The following GALNT13 variants were observed in gnomAD, a reference collection of about 807,000 sequenced individuals.
GALNT13 encodes polypeptide N-acetylgalactosaminyltransferase 13.
A neutral mutation model predicts 64.2 loss-of-function variants in GALNT13; 28 were observed. The observed-to-expected ratio is 0.44, with a 90% CI of 0.32 to 0.60. The LOEUF (loss-of-function observed/expected upper bound fraction) is 0.60, where lower values mean the gene tolerates loss of function less well. GALNT13 is among the 20% of genes least tolerant of loss of function. GALNT13 has a pLI of 0.05. For synonymous variants in GALNT13, 214 were observed against 224.6 expected, an observed-to-expected ratio of 0.95 and a Z score of 0.42; for missense variants, 577 against 669.8, an observed-to-expected ratio of 0.86 and a Z score of 1.53.
the GALNT13 span, among the ~76,000 whole-genome samples, chr2:153,508,886 C>A: frequency 6.6e-6 from 1 of 152,162 alleles, no homozygotes; most frequent in African/African-American, 2.4e-5. Context: ...CTCCTAAGAA[C>A]TTTAACCCTT....
At chr2:153,737,181 CAGAAAGGG>C in the GALNT13 span, among the ~76,000 whole-genome samples, 1 of 152,080 alleles carries the variant, frequency 6.6e-6, no homozygotes, top group Non-Finnish European at 1.5e-5. Context: ...CACAGACAGG[CAGAAAGGG>C]AGAAAGGGTA....
the GALNT13 span, among the ~76,000 whole-genome samples, chr2:153,547,007 A>G: frequency 6.6e-6 from 1 of 152,184 alleles, no homozygotes; most frequent in East Asian, 1.9e-4. Flanking sequence ...TTGGCATGTA[A>G]TTTGGTTGCC....
chr2:154,311,737 G>C (rs1278138993), intron 9 of GALNT13, among the ~76,000 whole-genome samples: 1 of 143,658 alleles, frequency 7.0e-6, no homozygotes, highest in Non-Finnish European at 1.5e-5. Context: ...CTGCAATCTC[G>C]ACCATAAGAG....
chr2:153,936,465 T>C (rs1383763111), intron 2 of GALNT13, among the ~76,000 whole-genome samples: 2 of 152,108 alleles, frequency 1.3e-5, no homozygotes, highest in East Asian at 3.9e-4. Flanking sequence ...TGACCCAGTT[T>C]AGTTTCATGG....
the GALNT13 span, among the ~76,000 whole-genome samples, chr2:153,707,213 C>T: frequency 1.1e-4 from 16 of 152,108 alleles, no homozygotes; most frequent in Admixed American, 2.0e-4. Flanking sequence ...TTTTTATCAG[C>T]AGCATGAAAA....
the GALNT13 span, among the ~76,000 whole-genome samples, chr2:153,405,303 A>G: frequency 6.6e-6 from 1 of 152,218 alleles, no homozygotes; most frequent in Admixed American, 6.5e-5. Flanking sequence ...TCCCTATTCC[A>G]TGTAAAACTG....
At chr2:153,181,958 T>G in the GALNT13 span, among the ~76,000 whole-genome samples, 1 of 150,186 alleles carries the variant, frequency 6.7e-6, no homozygotes, top group Non-Finnish European at 1.5e-5. Flanking sequence ...ATTTAGTATA[T>G]TAATATCCTT....
chr2:153,118,134 CACACACACACA>C, the GALNT13 span, among the ~76,000 whole-genome samples: 1 of 150,428 alleles, frequency 6.6e-6, no homozygotes, highest in African/African-American at 2.5e-5. Flanking sequence ...CACACACACA[CACACACACACA>C]CCCCACATAA....
At chr2:153,823,872 A>G in the GALNT13 span, among the ~76,000 whole-genome samples, 8 of 152,190 alleles carry the variant, frequency 5.3e-5, no homozygotes, top group Non-Finnish European at 1.2e-4. Flanking sequence ...TATGCTCCCA[A>G]CAAGTTTTAA....
At chr2:153,719,178 G>C in the GALNT13 span, among the ~76,000 whole-genome samples, 3 of 152,312 alleles carry the variant, frequency 2.0e-5, no homozygotes, top group East Asian at 5.8e-4. Flanking sequence ...TGAAGAAGCT[G>C]AGGATGTGTA....
intron 3 of GALNT13, among the ~76,000 whole-genome samples, chr2:154,132,510 T>A (rs1289930909): frequency 6.6e-6 from 1 of 152,118 alleles, no homozygotes; most frequent in African/African-American, 2.4e-5. Context: ...GTACTGTATA[T>A]AAGATATTTG....
chr2:154,279,564 C>T (rs1691845609), intron 8 of GALNT13, among the ~76,000 whole-genome samples: 1 of 152,092 alleles, frequency 6.6e-6, no homozygotes, highest in South Asian at 2.1e-4. Context: ...TTGATGTTCT[C>T]TATGGAGCAA....
chr2:153,718,397 T>C, the GALNT13 span, among the ~76,000 whole-genome samples: 11 of 151,846 alleles, frequency 7.2e-5, no homozygotes, highest in African/African-American at 2.4e-4. Flanking sequence ...AAAGGTATTC[T>C]GGGGTAAGCT....
At chr2:153,480,664 A>G in the GALNT13 span, among the ~76,000 whole-genome samples, 1 of 152,330 alleles carries the variant, frequency 6.6e-6, no homozygotes, top group Non-Finnish European at 1.5e-5. Context: ...TAATGTATAC[A>G]TGGAAAAAAT....
intron 4 of GALNT13, among the ~76,000 whole-genome samples, chr2:154,225,331 T>C (rs1321915115): frequency 6.6e-6 from 1 of 152,084 alleles, no homozygotes; most frequent in Non-Finnish European, 1.5e-5. Context: ...CTGAAAACTT[T>C]AAAGTATGAT....
At chr2:153,452,508 T>A in the GALNT13 span, among the ~76,000 whole-genome samples, 1 of 151,816 alleles carries the variant, frequency 6.6e-6, no homozygotes, top group South Asian at 2.1e-4. Flanking sequence ...GAGTATCATA[T>A]GAATTTAGTG....
At chr2:154,431,983 C>T (rs1317046399) in intron 11 of GALNT13, among the ~76,000 whole-genome samples, 1 of 152,106 alleles carries the variant, frequency 6.6e-6, no homozygotes, top group Non-Finnish European at 1.5e-5. Flanking sequence ...GTCCTTATAG[C>T]AGTGTGAGAA....
chr2:154,346,718 G>A (rs2105241035), intron 9 of GALNT13, among the ~76,000 whole-genome samples: 1 of 152,120 alleles, frequency 6.6e-6, no homozygotes, highest in South Asian at 2.1e-4. Context: ...AGCAGCATGA[G>A]AACAGACTAA....
intron 3 of GALNT13, among the ~76,000 whole-genome samples, chr2:154,016,824 C>A (rs909661180): frequency 3.3e-5 from 5 of 151,918 alleles, no homozygotes; most frequent in Admixed American, 2.6e-4. Flanking sequence ...TGAAATATAT[C>A]AATAATTGAA....
Sources: allele counts gnomAD v4.1 joint callset (sites outside exome capture counted in the v4.1 genomes callset), GRCh38; gene constraint gnomAD v4.1.1; transcripts MANE v1.5; gene names NCBI Gene and HGNC (gene_info 2026-07-23, HGNC 2026-07-21).